The following CDKN3 variants were observed in gnomAD, a reference collection of about 807,000 sequenced individuals.
The protein encoded by CDKN3 is cyclin dependent kinase inhibitor 3.
CDKN3 carries 19 observed loss-of-function variants against 36.1 expected under a neutral mutation model. That is an observed-to-expected ratio of 0.53 (90% CI 0.37 to 0.77). The LOEUF is 0.77. Among genes scored for constraint, CDKN3 ranks in the 30% least tolerant of loss-of-function variants. The pLI, the probability that CDKN3 is intolerant of heterozygous loss-of-function variation, is 0.00. For synonymous variants in CDKN3, 71 were observed against 85.3 expected, an observed-to-expected ratio of 0.83 and a Z score of 0.92; for missense variants, 188 against 248.6, an observed-to-expected ratio of 0.76 and a Z score of 1.64.
At chr14:54,418,897 T>C (rs2030638611) in intron 7 of CDKN3, among the ~76,000 whole-genome samples, 2 of 152,162 alleles carry the variant, frequency 1.3e-5, no homozygotes, top group Admixed American at 6.6e-5. Context: ...CGGTGGCTCA[T>C]GCCTATATCC....
At chr14:54,400,943 T>C (rs2029916702) in intron 2 of CDKN3, among the ~76,000 whole-genome samples, 1 of 152,234 alleles carries the variant, frequency 6.6e-6, no homozygotes, top group Non-Finnish European at 1.5e-5. Flanking sequence ...AAGTTCTATT[T>C]AAAAATCTTA....
At chr14:54,413,914 A>C in intron 5 of CDKN3, 1 of 1,005,176 alleles carries the variant, frequency 9.9e-7, no homozygotes, top group South Asian at 2.2e-5. Flanking sequence ...TTTCTAGAGG[A>C]TGTAAGTCCA....
In CDKN3 at chr14:54,415,451, G is replaced by A. The variant is rs143807012; in HGVS notation, c.417-448G>A. Among the ~76,000 whole-genome samples, 393 of 152,354 alleles carry A rather than the reference G, an allele frequency of 2.6e-3. 2 individuals carry two copies. Among genetic ancestry groups the A allele is most frequent in the African/African-American group, 8.9e-3 (372 of 41,580 alleles). ...CCAGGACTGAAGCCCAGGCAGTGGT[G>A]CTCCAGAGCCCATGCTCCAGACTTC... On this transcript the variant is annotated intron_variant, in intron 5 of 7. Transcript: ENST00000335183.
intron 3 of CDKN3, among the ~76,000 whole-genome samples, chr14:54,405,563 C>G (rs2030125650): frequency 6.6e-6 from 1 of 152,162 alleles, no homozygotes; most frequent in Non-Finnish European, 1.5e-5. Flanking sequence ...GTTAGCTCTT[C>G]TTTTGCATTG....
intron 7 of CDKN3, chr14:54,418,297 T>C (rs1316242313): frequency 5.7e-6 from 4 of 701,210 alleles, no homozygotes; most frequent in Non-Finnish European, 1.0e-5. Flanking sequence ...TTATTGTTAA[T>C]ACAAACTTGG....
intron 3 of CDKN3, chr14:54,408,415 T>G: frequency 4.2e-6 from 1 of 238,104 alleles, no homozygotes; most frequent in South Asian, 5.3e-5. Flanking sequence ...TAGATCTACC[T>G]TTCAGCCCTT....
chr14:54,400,522 A>T (rs188131926), intron 2 of CDKN3, among the ~76,000 whole-genome samples: 1 of 152,178 alleles, frequency 6.6e-6, no homozygotes, highest in African/African-American at 2.4e-5. Context: ...TCTACATAAA[A>T]TCAGCCTTTT....
At position 54,417,887 on chromosome 14, in the gene CDKN3, C is replaced by T. The variant is rs1191612048; in HGVS notation, c.488C>T (p.Ser163Leu). ...CTACTATACCTGTCTGACACAATAT[C>T]ACCAGAGCAAGCCATAGACAGCCTG... ...CLLLYLSDTI[S>L]PEQAIDSLRD... Residue 163 changes from serine (S) to leucine (L), a missense_variant, in exon 7 of 8, where the codon TCA (serine) becomes TTA (leucine). Physicochemically the swap from Ser to Leu is moderately radical, Grantham distance 145. Coordinates refer to ENST00000335183, the MANE Select transcript of CDKN3 (RefSeq NM_005192.4). 1 of 1,598,612 alleles carries T rather than the reference C, an allele frequency of 6.3e-7. No homozygotes were observed. Among genetic ancestry groups the T allele is most frequent in the South Asian group, 1.1e-5 (1 of 88,470 alleles).
chr14:54,411,064 G>A (rs1273685882), intron 4 of CDKN3: 1 of 161,854 alleles, frequency 6.2e-6, no homozygotes, highest in African/African-American at 2.4e-5. Context: ...TGTAATCCCA[G>A]CTACTTGAGA....
chr14:54,399,950 T>C lies in CDKN3; in HGVS notation c.66T>C (p.Asp22=). The change falls in exon 2 of 8, where the codon GAT becomes GAC. Residue 22 remains aspartate (D), a synonymous_variant. Coordinates refer to ENST00000335183, the MANE Select transcript of CDKN3 (RefSeq NM_005192.4). ...CATCAGATGAAGAGCCTATTGAAGATGAACAGACTCCAATTCATATATCAT... is the reference window on the plus strand; with the variant it reads ...CATCAGATGAAGAGCCTATTGAAGACGAACAGACTCCAATTCATATATCAT... ...FDSSDEEPIE[D]EQTPIHISWL... The C allele has an allele frequency of 6.5e-7, 1 of 1,543,758 alleles. No individual in the cohort carries two copies. The highest frequency in any genetic ancestry group is 9.0e-7 in the Non-Finnish European group (1 of 1,116,098).
At position 54,405,471 on chromosome 14, in the gene CDKN3, G is replaced by A. The variant is rs984250029; in HGVS notation, c.149-3274G>A. 3.9e-5 allele frequency among the ~76,000 whole-genome samples: 6 copies of A among 152,320 alleles called. No individual in the cohort carries two copies. In the South Asian group the frequency reaches 1.2e-3, roughly 32 times the overall value. ...AGTCTCCCACTATTATTGTGTGGGA[G>A]TCTAAGTCTCTTTGTAGGTCTCTAA... On this transcript the variant is annotated intron_variant, in intron 3 of 7. Coordinates refer to ENST00000335183, the MANE Select transcript of CDKN3 (RefSeq NM_005192.4).
At chr14:54,419,521 G>A (rs939862790) in intron 7 of CDKN3, among the ~76,000 whole-genome samples, 4 of 152,086 alleles carry the variant, frequency 2.6e-5, no homozygotes, top group African/African-American at 9.7e-5. Flanking sequence ...AAAAAATATT[G>A]TCTATGAAAA....
At chr14:54,399,408 T>C (rs1198910529) in intron 1 of CDKN3, among the ~76,000 whole-genome samples, 1 of 152,234 alleles carries the variant, frequency 6.6e-6, no homozygotes, top group Non-Finnish European at 1.5e-5. Flanking sequence ...ATAGTTCTGC[T>C]TCCATTTCAG....
At position 54,417,889 on chromosome 14, in the gene CDKN3, C is replaced by G; in HGVS notation, c.490C>G (p.Pro164Ala). ...ACTATACCTGTCTGACACAATATCA[C>G]CAGAGCAAGCCATAGACAGCCTGCG... ...LLLYLSDTISPEQAIDSLRDL... is the reference protein window; with the variant it reads ...LLLYLSDTISAEQAIDSLRDL... The change falls in exon 7 of 8, where the codon CCA becomes GCA. Residue 164 changes from proline to alanine, a missense_variant. Coordinates refer to ENST00000335183, the MANE Select transcript of CDKN3 (RefSeq NM_005192.4). The G allele has an allele frequency of 6.3e-7, 1 of 1,598,460 alleles. No individual in the cohort carries two copies. The highest frequency in any genetic ancestry group is 8.5e-7 in the Non-Finnish European group (1 of 1,172,068).
chr14:54,406,088 C>T, intron 3 of CDKN3, among the ~76,000 whole-genome samples: 1 of 152,168 alleles, frequency 6.6e-6, no homozygotes, highest in South Asian at 2.1e-4. Context: ...ATTTCTCCTT[C>T]ACTTAGGAAG....
intron 6 of CDKN3, among the ~76,000 whole-genome samples, chr14:54,417,343 A>C (rs1409583625): frequency 6.6e-6 from 1 of 152,260 alleles, no homozygotes; most frequent in African/African-American, 2.4e-5. Flanking sequence ...ATACAGACAT[A>C]TGCTACAATA....
At position 54,418,276 on chromosome 14, in the gene CDKN3, C is replaced by A. The variant is rs186036206; in HGVS notation, c.552+325C>A. 1.4e-4 allele frequency: 97 copies of A among 702,170 alleles called. 1 individual carries two copies. Among genetic ancestry groups the A allele is most frequent in the African/African-American group, 1.4e-3 (78 of 57,334 alleles). The allele number at this position is 702,170 out of a possible 1,614,324, so 43.5% of individuals were successfully genotyped here. A position where few individuals can be genotyped will look rare whatever the true frequency, so the allele number is the denominator to read the frequency against. On this transcript the variant is annotated intron_variant, in intron 7 of 7. Transcript: ENST00000335183. ...TGGGAATGGATCCTCTCACCTAGGA[C>A]AATGAGATGGTTATTGTTAATACAA...
chr14:54,419,526 T>C (rs1237745334), intron 7 of CDKN3, among the ~76,000 whole-genome samples: 2 of 152,196 alleles, frequency 1.3e-5, no homozygotes, highest in East Asian at 3.8e-4. Context: ...ATATTGTCTA[T>C]GAAAATTATC....
chr14:54,419,801 AAT>A (rs2030667960), intron 7 of CDKN3, among the ~76,000 whole-genome samples, 189 bp from the exon 8 acceptor site: 1 of 152,212 alleles, frequency 6.6e-6, no homozygotes, highest in African/African-American at 2.4e-5. Flanking sequence ...CTTGTAGAAC[AAT>A]AGTTTTTCAC....
Sources: allele counts gnomAD v4.1 joint callset (sites outside exome capture counted in the v4.1 genomes callset), GRCh38; gene constraint gnomAD v4.1.1; transcripts MANE v1.5; gene names NCBI Gene and HGNC (gene_info 2026-07-23, HGNC 2026-07-21).